ZC4H2: variants seen among roughly 807,000 people sequenced by gnomAD.
ZC4H2 encodes the protein zinc finger C4H2 domain-containing protein.
For synonymous variants in ZC4H2, 84 were observed against 66.3 expected (o/e 1.27, Z -1.30); for missense variants, 137 against 173.9 (o/e 0.79, Z 1.19).
At chrX:64,968,256 T>C (rs1197575504) in intron 1 of ZC4H2, among the ~76,000 whole-genome samples, 1 of 111,887 alleles carries the variant, frequency 8.9e-6, no homozygotes, top group Non-Finnish European at 1.9e-5. Context: ...CATGAAGAAT[T>C]TGAGGCTGAG....
chrX:64,998,411 G>T (rs757154945), intron 1 of ZC4H2, among the ~76,000 whole-genome samples: 13 of 111,768 alleles, frequency 1.2e-4, no homozygotes, highest in Non-Finnish European at 2.1e-4. Context: ...TATTATAAGA[G>T]AAAAACTAGG....
upstream of ZC4H2, among the ~76,000 whole-genome samples, chrX:64,980,693 AG>A (rs762480407): frequency 2.0e-3 from 219 of 111,004 alleles, 1 homozygote; most frequent in African/African-American, 6.8e-3. Context: ...AGAGAAGTTA[AG>A]TAACTTGCCC....
chrX:64,928,108 C>A (rs184945287), intron 1 of ZC4H2, among the ~76,000 whole-genome samples: 5 of 112,072 alleles, frequency 4.5e-5, no homozygotes, highest in Non-Finnish European at 9.4e-5. Context: ...TTTCGCTATG[C>A]AGAAGCTCTT....
intron 1 of ZC4H2, among the ~76,000 whole-genome samples, chrX:64,942,528 G>C (rs758822586): frequency 1.1e-5 from 1 of 91,071 alleles, no homozygotes; most frequent in African/African-American, 4.3e-5. Flanking sequence ...TTCCCTCCTT[G>C]TGCCTGTATG....
At chrX:65,008,915 A>C (rs918063704) in intron 1 of ZC4H2, among the ~76,000 whole-genome samples, 1 of 111,325 alleles carries the variant, frequency 9.0e-6, no homozygotes. Context: ...TAGGGTGACT[A>C]TTGTTAACAA....
intron 1 of ZC4H2, among the ~76,000 whole-genome samples, chrX:64,951,825 T>C (rs1336203246): frequency 9.0e-6 from 1 of 111,570 alleles, no homozygotes; most frequent in Non-Finnish European, 1.9e-5. Context: ...TTTGTCAATT[T>C]TGGCTTTTGT....
chrX:64,938,838 A>T (rs768759990), intron 1 of ZC4H2, among the ~76,000 whole-genome samples: 70 of 112,238 alleles, frequency 6.2e-4, no homozygotes, highest in African/African-American at 2.0e-3. Context: ...ATCATACTTA[A>T]TGGGCAACAG....
chrX:65,010,540 G>T (rs776136442), intron 1 of ZC4H2, among the ~76,000 whole-genome samples: 10 of 111,109 alleles, frequency 9.0e-5, no homozygotes, highest in Non-Finnish European at 9.4e-5. Flanking sequence ...CACTCCTATT[G>T]AAGCTATCCC....
At chrX:65,033,295 A>T (rs929100407) in intron 1 of ZC4H2, among the ~76,000 whole-genome samples, 2 of 112,446 alleles carry the variant, frequency 1.8e-5, no homozygotes, top group African/African-American at 6.5e-5. Flanking sequence ...AGAATATCAC[A>T]CAAGTTTGTA....
chrX:65,005,622 G>A (rs1217427306), intron 1 of ZC4H2, among the ~76,000 whole-genome samples: 2 of 111,442 alleles, frequency 1.8e-5, no homozygotes, highest in Admixed American at 9.5e-5. Flanking sequence ...GAAAACCTAG[G>A]CAATGCCATT....
chrX:64,992,002 T>C (rs1033628828), intron 1 of ZC4H2, among the ~76,000 whole-genome samples: 1 of 111,507 alleles, frequency 9.0e-6, no homozygotes, highest in Admixed American at 9.5e-5. Context: ...AATTAATGGT[T>C]GCCAGGGGCT....
chrX:64,919,948 G>T, intron 3 of ZC4H2, 133 bp downstream of exon 3: 1 of 637,540 alleles, frequency 1.6e-6, no homozygotes, highest in Non-Finnish European at 2.2e-6. Context: ...AAAGGCCTGG[G>T]ACTAAAACTA....
At chrX:64,998,928 T>C (rs1445596661) in intron 1 of ZC4H2, among the ~76,000 whole-genome samples, 4 of 110,224 alleles carry the variant, frequency 3.6e-5, no homozygotes, top group Non-Finnish European at 7.6e-5. Flanking sequence ...CCTGATCCCT[T>C]TGAATTACTA....
chrX:64,936,402 A>C (rs907794376), intron 1 of ZC4H2, among the ~76,000 whole-genome samples: 7 of 111,270 alleles, frequency 6.3e-5, no homozygotes, highest in Non-Finnish European at 7.5e-5. Flanking sequence ...ACCAACATTC[A>C]AATTCGGGAA....
At chrX:64,931,848 T>A (rs1191114286) in intron 1 of ZC4H2, among the ~76,000 whole-genome samples, 3 of 111,903 alleles carry the variant, frequency 2.7e-5, no homozygotes, top group Non-Finnish European at 5.7e-5. Context: ...AATAATGTTT[T>A]GTAAATATAT....
chrX:64,920,040 G>C (rs769761088), intron 3 of ZC4H2, 41 bp downstream of exon 3: 8 of 1,186,934 alleles, frequency 6.7e-6, no homozygotes, highest in Non-Finnish European at 1.1e-6. Context: ...ATGTGGGTCG[G>C]AGGGAGGGTA....
intron 2 of ZC4H2, 21 bp downstream of exon 2, chrX:64,921,796 A>G (rs374626647): frequency 2.1e-5 from 25 of 1,204,471 alleles, no homozygotes; most frequent in Non-Finnish European, 2.8e-5. Flanking sequence ...CTTTAGAGAT[A>G]GGCTCCAGGC....
At chrX:64,933,819 A>T (rs1227155893) in intron 1 of ZC4H2, among the ~76,000 whole-genome samples, 2 of 111,187 alleles carry the variant, frequency 1.8e-5, no homozygotes, top group Admixed American at 1.9e-4. Context: ...ATACTTGCTG[A>T]GTTGATGATT....
intron 4 of ZC4H2, 129 bp downstream of exon 4, chrX:64,918,913 G>T: frequency 1.2e-6 from 1 of 852,600 alleles, no homozygotes; most frequent in Non-Finnish European, 1.6e-6. Flanking sequence ...CCCTTCCACT[G>T]TGTCACAAGC....
Sources: gnomAD v4.1 joint callset for allele counts (sites outside exome capture counted in the v4.1 genomes callset) on GRCh38, gnomAD v4.1.1 for gene constraint, MANE v1.5 for transcripts, NCBI Gene and HGNC (gene_info 2026-07-23, HGNC 2026-07-21) for gene names.